Variants in OR7A10 observed in about 807,000 individuals in gnomAD.
OR7A10 encodes olfactory receptor 7A10.
For missense variants in OR7A10, 358 were observed against 370.1 expected (o/e 0.97, Z 0.27); for synonymous variants, 144 against 144.5 (o/e 1.00, Z 0.02).
Position 14,841,123 on chromosome 19 carries a change from T to C in OR7A10, c.755A>G (p.Tyr252Cys). ...ASHLSVVSLFYGTCLGVYLSS... is the reference protein window; with the variant it reads ...ASHLSVVSLFCGTCLGVYLSS... ...AAGGTACACCCCTAAGCATGTACCA[T>C]AAAATAAGGAGACAACTGAGAGGTG... The change falls in exon 2 of 2, where the codon TAT (tyrosine) becomes TGT (cysteine). Residue 252 changes from tyrosine (Y) to cysteine (C), a missense_variant. Transcript: ENST00000641129. 2 of 1,614,020 alleles carry C rather than the reference T, an allele frequency of 1.2e-6. No homozygotes were observed. Among genetic ancestry groups the C allele is most frequent in the Non-Finnish European group, 1.7e-6 (2 of 1,179,978 alleles).
At chr19:14,843,104 A>C (rs1207517227) in intron 1 of OR7A10, among the ~76,000 whole-genome samples, 2 of 152,242 alleles carry the variant, frequency 1.3e-5, no homozygotes, top group Non-Finnish European at 2.9e-5. Context: ...TAATCATTAC[A>C]TAAATGCAAA....
chr19:14,840,870 T>C lies in OR7A10; in HGVS notation c.*78A>G. ...GAAGGGGCAAGTCTTCCTTCCACCA[T>C]CTTATTAACAAATCACCATTTCTGG... On this transcript the variant is annotated 3_prime_UTR_variant, in exon 2 of 2. Coordinates refer to ENST00000641129, the MANE Select transcript of OR7A10 (RefSeq NM_001005190.2). 2.9e-6 allele frequency: 3 copies of C among 1,038,998 alleles called. No individual in the cohort carries two copies. Among genetic ancestry groups the C allele is most frequent in the Non-Finnish European group, 2.8e-6 (2 of 704,808 alleles). The allele number at this position is 1,038,998 out of a possible 1,614,324, so 64.4% of individuals were successfully genotyped here. A position where few individuals can be genotyped will look rare whatever the true frequency, so the allele number is the denominator to read the frequency against.
Position 14,841,686 on chromosome 19 carries a change from G to A in OR7A10, c.192C>T (p.Ser64=), listed in dbSNP as rs753513301. ...AACAGATGTCTACGAAGGACAGGTT[G>A]GAGAGGAAGAAGTACATGGGGGTGT... The part of the protein sequence containing the change: ...HLHTPMYFFL[S]NLSFVDICFV... The change falls in exon 2 of 2, where the codon TCC becomes TCT. Residue 64 remains serine (S), a synonymous_variant. Transcript: ENST00000641129. 1.2e-6 allele frequency: 2 copies of A among 1,614,170 alleles called. No homozygotes were observed. Among genetic ancestry groups the A allele is most frequent in the Admixed American group, 3.3e-5 (2 of 60,008 alleles).
chr19:14,842,600 A>G (rs1386855846), intron 1 of OR7A10, among the ~76,000 whole-genome samples: 1 of 152,182 alleles, frequency 6.6e-6, no homozygotes, highest in East Asian at 1.9e-4. Flanking sequence ...CCCAATTATT[A>G]GTAAGAACAT....
In OR7A10 at chr19:14,841,258, C is replaced by T. The variant is rs760540735; in HGVS notation, c.620G>A (p.Gly207Asp). Residue 207 changes from glycine to aspartate, a missense_variant, in exon 2 of 2, where the codon GGC becomes GAC. Coordinates refer to ENST00000641129, the MANE Select transcript of OR7A10 (RefSeq NM_001005190.2). ...IVMYFAVALLGGGPLTGILYS... is the reference protein window; with the variant it reads ...IVMYFAVALLDGGPLTGILYS... ...CAGGATCCCAGTGAGGGGACCACCG[C>T]CCAGCAGCGCTACTGCAAAATACAT... 13 of 1,614,048 alleles carry T rather than the reference C, an allele frequency of 8.1e-6. No homozygotes were observed. The East Asian group carries it at 2.4e-4, about 30-fold the overall frequency.
chr19:14,843,263 G>C (rs766031780), intron 1 of OR7A10, among the ~76,000 whole-genome samples: 2 of 152,198 alleles, frequency 1.3e-5, no homozygotes, highest in Non-Finnish European at 2.9e-5. Context: ...CCTGTGGAAA[G>C]CAGTTTGGTG....
At chr19:14,847,475 A>T (rs2044948022) in intron 1 of OR7A10, among the ~76,000 whole-genome samples, 1 of 152,122 alleles carries the variant, frequency 6.6e-6, no homozygotes, top group Admixed American at 6.5e-5. Context: ...TTTCTCATCA[A>T]TATGGAAACA....
intron 1 of OR7A10, among the ~76,000 whole-genome samples, chr19:14,845,401 G>A (rs538956935): frequency 1.3e-5 from 2 of 152,152 alleles, no homozygotes; most frequent in East Asian, 1.9e-4. Context: ...CTTGAACCTG[G>A]AAGGCGGAGG....
intron 1 of OR7A10, among the ~76,000 whole-genome samples, chr19:14,846,277 G>T (rs769293173): frequency 6.6e-6 from 1 of 152,110 alleles, no homozygotes; most frequent in Non-Finnish European, 1.5e-5. Flanking sequence ...TTTTGTCTAC[G>T]TGTTTGTATA....
chr19:14,844,914 C>T (rs1031060157), intron 1 of OR7A10, among the ~76,000 whole-genome samples: 7 of 151,618 alleles, frequency 4.6e-5, no homozygotes, highest in East Asian at 3.9e-4. Flanking sequence ...CTGCCCACCT[C>T]GGCCTCCCAA....
chr19:14,845,098 C>A (rs867856249), intron 1 of OR7A10, among the ~76,000 whole-genome samples: 9 of 150,960 alleles, frequency 6.0e-5, no homozygotes, highest in African/African-American at 1.5e-4. Context: ...CACACACACA[C>A]AATGCATACA....
In OR7A10 at chr19:14,840,976, A is replaced by G. The variant is rs1295312428; in HGVS notation, c.902T>C (p.Met301Thr). ...TTGCTTTCCTCTGAAGAATGTTTTC[A>G]TAGCACCCTTTATGTGTTTATTCCT... ...SLRNKHIKGA[M>T]KTFFRGKQ is the part of the protein sequence containing the mutation. Residue 301 changes from methionine to threonine, a missense_variant, in exon 2 of 2, where the codon ATG (methionine) becomes ACG (threonine). By Grantham distance (81) the Met-to-Thr change is moderately conservative. Coordinates refer to ENST00000641129, the MANE Select transcript of OR7A10 (RefSeq NM_001005190.2). 4 of 1,612,078 alleles carry G rather than the reference A, an allele frequency of 2.5e-6. No individual in the cohort carries two copies. Among genetic ancestry groups the G allele is most frequent in the Non-Finnish European group, 3.4e-6 (4 of 1,179,422 alleles).
chr19:14,848,208 G>A (rs1270290215), intron 1 of OR7A10, among the ~76,000 whole-genome samples: 1 of 151,946 alleles, frequency 6.6e-6, no homozygotes, highest in Non-Finnish European at 1.5e-5. Context: ...AGTGATGCTT[G>A]GGCAGATGTT....
intron 1 of OR7A10, among the ~76,000 whole-genome samples, chr19:14,843,855 C>T (rs929272331): frequency 4.6e-4 from 70 of 152,056 alleles, no homozygotes; most frequent in African/African-American, 1.2e-3. Flanking sequence ...AAGTGGGAGT[C>T]GAACAATGAG....
At position 14,843,828 on chromosome 19, in the gene OR7A10, C is replaced by T. The variant is rs189208485; in HGVS notation, c.-12-1939G>A. Among the ~76,000 whole-genome samples, 319 of 152,202 alleles carry T rather than the reference C, an allele frequency of 2.1e-3. 1 individual carries two copies. Among genetic ancestry groups the T allele is most frequent in the African/African-American group, 7.5e-3 (311 of 41,516 alleles). ...GAGAATGGAACAGAAAACCAAACACCACATGTTCTCACTTATAAGTGGGAG... is the reference window on the plus strand; with the variant it reads ...GAGAATGGAACAGAAAACCAAACACTACATGTTCTCACTTATAAGTGGGAG... On this transcript the variant is annotated intron_variant, in intron 1 of 1. Transcript: ENST00000641129.
At chr19:14,844,558 C>T (rs1223834308) in intron 1 of OR7A10, among the ~76,000 whole-genome samples, 5 of 151,938 alleles carry the variant, frequency 3.3e-5, no homozygotes, top group Admixed American at 1.3e-4. Context: ...AGGAGTTCCT[C>T]GGTCCTGATG....
At chr19:14,842,437 G>C (rs1223757447) in intron 1 of OR7A10, among the ~76,000 whole-genome samples, 1 of 152,192 alleles carries the variant, frequency 6.6e-6, no homozygotes, top group Admixed American at 6.5e-5. Flanking sequence ...TTTTAGTAGA[G>C]ACAGAGTTTT....
intron 1 of OR7A10, among the ~76,000 whole-genome samples, chr19:14,845,971 G>A (rs1056140362): frequency 5.3e-5 from 8 of 152,072 alleles, no homozygotes; most frequent in African/African-American, 1.9e-4. Flanking sequence ...TGACCAACAC[G>A]GTGAAACCCC....
intron 1 of OR7A10, among the ~76,000 whole-genome samples, chr19:14,846,069 G>A (rs752677247): frequency 2.0e-5 from 3 of 151,958 alleles, no homozygotes; most frequent in South Asian, 2.1e-4. Context: ...CAGGAGAATC[G>A]CTTCAACCCG....
Sources: allele counts gnomAD v4.1 joint callset (sites outside exome capture counted in the v4.1 genomes callset), GRCh38; gene constraint gnomAD v4.1.1; transcripts MANE v1.5; gene names NCBI Gene and HGNC (gene_info 2026-07-23, HGNC 2026-07-21).